Variants in ZBTB46 observed in about 807,000 individuals in gnomAD.
The protein encoded by ZBTB46 is zinc finger and BTB domain-containing protein 46.
In ZBTB46, 8 loss-of-function variants were observed where a neutral mutation model predicts 44.1. The ratio of observed to expected loss-of-function variants is 0.18; its 90% confidence interval spans 0.11 to 0.33. The LOEUF (loss-of-function observed/expected upper bound fraction) is 0.33, where lower values mean the gene tolerates loss of function less well. ZBTB46 is among the 10% of genes least tolerant of loss of function. The probability of loss-of-function intolerance (pLI) is 1.00; values close to 1 mark genes in which losing one functional copy is unlikely to be tolerated. For synonymous variants in ZBTB46, 409 were observed against 382.3 expected, an observed-to-expected ratio of 1.07 and a Z score of -0.81; for missense variants, 651 against 847.7, an observed-to-expected ratio of 0.77 and a Z score of 2.88.
At position 63,820,623 on chromosome 20, in the gene ZBTB46, G is replaced by T. The variant is rs941718255; in HGVS notation, c.-34+10474C>A. Reference sequence around the variant, plus strand: ...AATTTTGAATGTTTGGTAGAGACCGGGTTTCTCCATGTTGGTCAGGCTGAT... The same window carrying T: ...AATTTTGAATGTTTGGTAGAGACCGTGTTTCTCCATGTTGGTCAGGCTGAT... On this transcript the variant is annotated intron_variant, in intron 1 of 4. Transcript: ENST00000245663. Among the ~76,000 whole-genome samples, 27 of 151,328 alleles carry T rather than the reference G, an allele frequency of 1.8e-4. No homozygotes were observed. In the Admixed American group the frequency reaches 1.8e-3, roughly 10 times the overall value.
chr20:63,819,684 A>G (rs2146078530), intron 1 of ZBTB46, among the ~76,000 whole-genome samples: 1 of 152,330 alleles, frequency 6.6e-6, no homozygotes, highest in East Asian at 1.9e-4. Flanking sequence ...TGCAACGTCT[A>G]GTGAAATCCA....
chr20:63,800,498 G>T (rs1198361226), intron 1 of ZBTB46, among the ~76,000 whole-genome samples: 1 of 152,268 alleles, frequency 6.6e-6, no homozygotes, highest in African/African-American at 2.4e-5. Context: ...GCTGCACTGT[G>T]GGAGCCCCTT....
intron 1 of ZBTB46, among the ~76,000 whole-genome samples, chr20:63,793,673 C>A (rs6011115): frequency 0.14 from 12,626 of 93,348 alleles, 980 homozygotes; most frequent in East Asian, 0.49. Flanking sequence ...ATAGAAGCAG[C>A]GGCTACCTCA....
intron 3 of ZBTB46, among the ~76,000 whole-genome samples, chr20:63,766,192 C>T (rs971474343): frequency 6.8e-6 from 1 of 146,648 alleles, no homozygotes. Context: ...TCAGGCCCAA[C>T]AGCTGAGAGA....
In ZBTB46 at chr20:63,790,103, C is replaced by T; in HGVS notation, c.655G>A (p.Gly219Arg). The T allele has an allele frequency of 6.2e-7, 1 of 1,614,068 alleles. No individual in the cohort carries two copies. Among genetic ancestry groups the T allele is most frequent in the Non-Finnish European group, 8.5e-7 (1 of 1,180,036 alleles). ...CGCAGAGGCCCGTAGCCCACGTCTC[C>T]AGGCCATAGAGGCTGTGAAGAAACA... ...DDVSSQPLWP[G>R]DVGYGPLRIK... The change falls in exon 2 of 5, where the codon GGA becomes AGA. Residue 219 changes from glycine to arginine, a missense_variant. This residue lies in a region of ZBTB46 where 385 missense variants were observed against 423.3 expected (regional missense o/e 0.91). Transcript: ENST00000245663.
intron 1 of ZBTB46, among the ~76,000 whole-genome samples, chr20:63,821,659 G>C (rs1282519552): frequency 6.6e-6 from 1 of 151,804 alleles, no homozygotes; most frequent in Non-Finnish European, 1.5e-5. Context: ...TGTCAGCCAG[G>C]CTAGTCTCAA....
intron 1 of ZBTB46, among the ~76,000 whole-genome samples, chr20:63,825,738 C>T (rs1210431943): frequency 6.6e-6 from 1 of 152,200 alleles, no homozygotes; most frequent in Non-Finnish European, 1.5e-5. Flanking sequence ...AGCTTCTAAT[C>T]TCTGTGACTT....
intron 3 of ZBTB46, among the ~76,000 whole-genome samples, chr20:63,763,951 G>A (rs769548668): frequency 6.6e-6 from 1 of 151,970 alleles, no homozygotes; most frequent in Admixed American, 6.6e-5. Context: ...TGCCTTATCT[G>A]GTGCTTTCTT....
At chr20:63,789,273 G>A (rs1217143332) in intron 2 of ZBTB46, among the ~76,000 whole-genome samples, 24 of 152,218 alleles carry the variant, frequency 1.6e-4, no homozygotes, top group Non-Finnish European at 1.6e-4. Flanking sequence ...CCCAGGTCAA[G>A]GCAAGCTGAG....
chr20:63,748,521 G>C (rs1434867653), intron 4 of ZBTB46, among the ~76,000 whole-genome samples: 1 of 152,232 alleles, frequency 6.6e-6, no homozygotes, highest in African/African-American at 2.4e-5. Flanking sequence ...GGAGGCCTTG[G>C]GGGGCTGGCC....
intron 1 of ZBTB46, among the ~76,000 whole-genome samples, chr20:63,802,504 G>A (rs1451607743): frequency 6.6e-6 from 1 of 152,000 alleles, no homozygotes; most frequent in Non-Finnish European, 1.5e-5. Context: ...GACACAGGTC[G>A]GCACAAAGCG....
In ZBTB46 at chr20:63,759,105, C is replaced by A. The variant is rs190792415; in HGVS notation, c.1223-6244G>T. 9.9e-4 allele frequency among the ~76,000 whole-genome samples: 150 copies of A among 152,260 alleles called. 2 individuals are homozygous for A. The highest frequency in any genetic ancestry group is 3.5e-3 in the South Asian group (17 of 4,826). On this transcript the variant is annotated intron_variant, in intron 3 of 4. Coordinates refer to ENST00000245663, the MANE Select transcript of ZBTB46 (RefSeq NM_001369741.1). ...ATCTCCCTTCATTTATCATTATCTT[C>A]TTTAATTTCTCCCAGCAATATTTTA...
chr20:63,824,498 TGGC>T (rs1226711478), intron 1 of ZBTB46, among the ~76,000 whole-genome samples: 1 of 152,204 alleles, frequency 6.6e-6, no homozygotes, highest in African/African-American at 2.4e-5. Flanking sequence ...AAAACTCACT[TGGC>T]GGTTGCCACA....
chr20:63,814,232 C>CAA (rs113002137), intron 1 of ZBTB46, among the ~76,000 whole-genome samples: 3 of 71,498 alleles, frequency 4.2e-5, no homozygotes, highest in African/African-American at 5.0e-5. Flanking sequence ...GACTCCGTCT[C>CAA]AAAAAAAAAA....
At chr20:63,798,836 T>G (rs1279299190) in intron 1 of ZBTB46, among the ~76,000 whole-genome samples, 1 of 145,440 alleles carries the variant, frequency 6.9e-6, no homozygotes, top group Non-Finnish European at 1.5e-5. Flanking sequence ...AGAGCGAGAC[T>G]CTGTCTAAAA....
At chr20:63,802,017 G>A (rs1295439213) in intron 1 of ZBTB46, among the ~76,000 whole-genome samples, 10 of 152,190 alleles carry the variant, frequency 6.6e-5, no homozygotes, top group Middle Eastern at 3.4e-3. Flanking sequence ...CATTTGTTAC[G>A]GGTTGAACCC....
chr20:63,807,874 G>T (rs1361929312), intron 1 of ZBTB46, among the ~76,000 whole-genome samples: 1 of 152,252 alleles, frequency 6.6e-6, no homozygotes, highest in African/African-American at 2.4e-5. Flanking sequence ...GGCCTCCGAG[G>T]CCGTGTGCCC....
intron 3 of ZBTB46, among the ~76,000 whole-genome samples, chr20:63,754,097 G>A (rs1206579540): frequency 1.3e-5 from 2 of 152,236 alleles, no homozygotes; most frequent in Non-Finnish European, 2.9e-5. Flanking sequence ...ACTGGAGCAT[G>A]TCTGTGTGGC....
rs2092336253 is a variant in ZBTB46, at chr20:63,768,148, A to G, written c.1222+7530T>C. ...AAAGGAAGACTGTAATTAATTCTCA[A>G]TAAAGAGACACTCAAAAATATATGC... On this transcript the variant is annotated intron_variant, in intron 3 of 4. Coordinates refer to ENST00000245663, the MANE Select transcript of ZBTB46 (RefSeq NM_001369741.1). The G allele has an allele frequency of 3.0e-6, 3 of 985,052 alleles. No homozygotes were observed. In the African/African-American group the frequency reaches 5.2e-5, roughly 17 times the overall value. 61.0% of individuals were successfully genotyped at this position (985,052 alleles called of 1,614,324 possible). A position where few individuals can be genotyped will look rare whatever the true frequency, so the allele number is the denominator to read the frequency against.
Sources: allele counts gnomAD v4.1 joint callset (sites outside exome capture counted in the v4.1 genomes callset), GRCh38; gene constraint gnomAD v4.1.1; regional missense constraint gnomAD v4.1.1; transcripts MANE v1.5; gene names NCBI Gene and HGNC (gene_info 2026-07-23, HGNC 2026-07-21).